Variants in MORC2 observed in about 807,000 individuals in gnomAD.
MORC2 encodes the protein MORC family CW-type zinc finger 2.
In MORC2, 30 loss-of-function variants were observed where a neutral mutation model predicts 136.0. The observed-to-expected ratio is 0.22, with a 90% CI of 0.17 to 0.30. The LOEUF is 0.30. Among genes scored for constraint, MORC2 ranks in the 10% least tolerant of loss-of-function variants. The probability of loss-of-function intolerance (pLI) is 1.00; values close to 1 mark genes in which losing one functional copy is unlikely to be tolerated. For missense variants in MORC2, 922 were observed against 1,333.1 expected (o/e 0.69, Z 4.80); for synonymous variants, 439 against 487.0 (o/e 0.90, Z 1.30).
At chr22:30,954,852 C>A (rs980887965) in intron 3 of MORC2, among the ~76,000 whole-genome samples, 1 of 152,130 alleles carries the variant, frequency 6.6e-6, no homozygotes. Flanking sequence ...ATTAAATAAG[C>A]CCTATTTTTC....
At chr22:30,961,777 C>A (rs761300635) in intron 1 of MORC2, among the ~76,000 whole-genome samples, 5 of 152,142 alleles carry the variant, frequency 3.3e-5, no homozygotes, top group Non-Finnish European at 5.9e-5. Context: ...GACAAGAAAA[C>A]CAAAACAGAA....
In MORC2 at chr22:30,932,105, C is replaced by G; in HGVS notation, c.2841+254G>C. 1 of 436,748 alleles carries G rather than the reference C, an allele frequency of 2.3e-6. No homozygotes were observed. Among genetic ancestry groups the G allele is most frequent in the Non-Finnish European group, 4.1e-6 (1 of 241,476 alleles). 27.1% of individuals were successfully genotyped at this position (436,748 alleles called of 1,614,324 possible). ...CACCTGCTATCCCTAAGGGATGACT[C>G]AACTCCTAGCACCTGTGGTGGGAAG... is the stretch of plus-strand genomic sequence containing the variant. On this transcript the variant is annotated intron_variant, in intron 24 of 25. Coordinates refer to ENST00000397641, the MANE Select transcript of MORC2 (RefSeq NM_001303256.3). This position sits in a 1 kb window ranked among gnomAD's most constrained non-coding sequence, Gnocchi z 4.4.
In MORC2 at chr22:30,937,134, T is replaced by C. The variant is rs2040666533; in HGVS notation, c.1499-97A>G. 2.4e-6 allele frequency: 2 copies of C among 829,118 alleles called. No homozygotes were observed. Among genetic ancestry groups the C allele is most frequent in the African/African-American group, 3.4e-5 (2 of 59,620 alleles). The allele number at this position is 829,118 out of a possible 1,614,324, so 51.4% of individuals were successfully genotyped here. ...GGCCCACCACAATGATGCCCCAGAC[T>C]TTGTAGGCAAAGATCTTCACTCGGG... On this transcript the variant is annotated intron_variant, in intron 15 of 25. Transcript: ENST00000397641. This position sits in a 1 kb window ranked among gnomAD's most constrained non-coding sequence, Gnocchi z 4.7.
At chr22:30,966,195 T>A (rs2041125932) in intron 1 of MORC2, among the ~76,000 whole-genome samples, 1 of 152,248 alleles carries the variant, frequency 6.6e-6, no homozygotes. Context: ...ACTGAAATTC[T>A]GAAGTCCAGT....
intron 3 of MORC2, among the ~76,000 whole-genome samples, chr22:30,956,436 T>A (rs1347621834): frequency 1.3e-5 from 2 of 152,198 alleles, no homozygotes; most frequent in African/African-American, 4.8e-5. Context: ...ACAAACCTCG[T>A]TCACCTATTA....
chr22:30,932,187 T>C lies in MORC2; in HGVS notation c.2841+172A>G. ...CAGCTAAGCCAATTTTTTTCCCACATCATAAACTCTCCTCTTCTTTCAGCA... is the reference window on the plus strand; with the variant it reads ...CAGCTAAGCCAATTTTTTTCCCACACCATAAACTCTCCTCTTCTTTCAGCA... On this transcript the variant is annotated intron_variant, in intron 24 of 25. Coordinates refer to ENST00000397641, the MANE Select transcript of MORC2 (RefSeq NM_001303256.3). This position sits in a 1 kb window ranked among gnomAD's most constrained non-coding sequence, Gnocchi z 4.4. 2 of 669,418 alleles carry C rather than the reference T, an allele frequency of 3.0e-6. No homozygotes were observed. Among genetic ancestry groups the C allele is most frequent in the Non-Finnish European group, 5.0e-6 (2 of 400,798 alleles). The allele number at this position is 669,418 out of a possible 1,614,324, so 41.5% of individuals were successfully genotyped here.
chr22:30,935,876 G>A (rs988826219), intron 17 of MORC2, among the ~76,000 whole-genome samples: 2 of 152,076 alleles, frequency 1.3e-5, no homozygotes, highest in African/African-American at 4.8e-5. Context: ...GAAATATTAA[G>A]GAAATTAAAT....
chr22:30,933,388 T>A, intron 21 of MORC2, 78 bp downstream of exon 21: 1 of 1,499,866 alleles, frequency 6.7e-7, no homozygotes, highest in Non-Finnish European at 9.2e-7. Context: ...CTTTGGTAAA[T>A]TGCTGCTGGT....
Position 30,928,129 on chromosome 22 carries a change from T to C in MORC2, c.2920A>G (p.Lys974Glu). Reference sequence around the variant, plus strand: ...GTGCGCAGGCTTTCCTCGGAGGCCTTGGCCCGGGAGTCAGCACGGCTCTGG... The same window carrying C: ...GTGCGCAGGCTTTCCTCGGAGGCCTCGGCCCGGGAGTCAGCACGGCTCTGG... Reference protein sequence around the residue: ...SYQSRADSRAKASEESLRTSE... With the variant: ...SYQSRADSRAEASEESLRTSE... The change falls in exon 25 of 26, where the codon AAG (lysine) becomes GAG (glutamate). Residue 974 changes from lysine (K) to glutamate (E), a missense_variant. Lys to Glu is a moderately conservative substitution (Grantham distance 56). Transcript: ENST00000397641. 3 of 1,614,048 alleles carry C rather than the reference T, an allele frequency of 1.9e-6. No homozygotes were observed. The highest frequency in any genetic ancestry group is 2.5e-6 in the Non-Finnish European group (3 of 1,180,010).
At chr22:30,967,227 T>C (rs990672774) in intron 1 of MORC2, 2 of 986,248 alleles carry the variant, frequency 2.0e-6, no homozygotes, top group African/African-American at 3.5e-5. Context: ...ATGAACACTG[T>C]ATGTTTCTGT....
chr22:30,941,811 C>A lies in MORC2; in HGVS notation c.698+80G>T. 1 of 1,315,024 alleles carries A rather than the reference C, an allele frequency of 7.6e-7. No homozygotes were observed. The highest frequency in any genetic ancestry group is 1.1e-6 in the Non-Finnish European group (1 of 920,206). 81.5% of individuals were successfully genotyped at this position (1,315,024 alleles called of 1,614,324 possible). A position where few individuals can be genotyped will look rare whatever the true frequency, so the allele number is the denominator to read the frequency against. ...CAGAACACTGGGCAATGAATGTGCT[C>A]TCCCCTCTTTCCCTGAAGCCATCTC... On this transcript the variant is annotated intron_variant, in intron 8 of 25. Coordinates refer to ENST00000397641, the MANE Select transcript of MORC2 (RefSeq NM_001303256.3). The surrounding 1 kb of genome is among the most constrained non-coding windows in gnomAD (Gnocchi z 4.6).
chr22:30,939,936 A>T, intron 11 of MORC2, 23 bp downstream of exon 11: 2 of 1,610,116 alleles, frequency 1.2e-6, no homozygotes, highest in Non-Finnish European at 1.7e-6. Flanking sequence ...GCTGGAGAAC[A>T]GCCGCCTGGG....
chr22:30,946,977 A>T (rs1450984154), intron 5 of MORC2, among the ~76,000 whole-genome samples: 2 of 152,210 alleles, frequency 1.3e-5, no homozygotes, highest in Admixed American at 6.5e-5. Context: ...AAACGGCAGC[A>T]GCACTGTTAA....
chr22:30,963,365 C>T (rs1302642933), intron 1 of MORC2: 8 of 948,916 alleles, frequency 8.4e-6, no homozygotes, highest in East Asian at 1.2e-4. Flanking sequence ...TTTGAAAATT[C>T]GTTCACTTTC....
intron 3 of MORC2, among the ~76,000 whole-genome samples, chr22:30,952,406 C>G (rs1569200253): frequency 6.6e-6 from 1 of 152,164 alleles, no homozygotes; most frequent in Non-Finnish European, 1.5e-5. Flanking sequence ...TTTCTAGGCT[C>G]TTGTGTTAGG....
rs886149659 is a variant in MORC2 at position 30,925,401 on chromosome 22, C to T, written c.*1402G>A. 2.2e-5 allele frequency: 4 copies of T among 183,554 alleles called. No homozygotes were observed. The highest frequency in any genetic ancestry group is 5.6e-5 in the Admixed American group (1 of 17,944). The allele number at this position is 183,554 out of a possible 1,614,324, so 11.4% of individuals were successfully genotyped here. On this transcript the variant is annotated 3_prime_UTR_variant, in exon 26 of 26. Transcript: ENST00000397641. ...TCTCAGTGTACTACTCCAAACAGGC[C>T]TCTCCTAGAGATGTAGTCTGGGAAG...
At chr22:30,928,309 G>A in intron 24 of MORC2, 102 bp from the exon 25 acceptor site, 2 of 1,161,130 alleles carry the variant, frequency 1.7e-6, no homozygotes, top group South Asian at 1.3e-5. Flanking sequence ...ACCCAAGGAT[G>A]CCTGGTCTGA....
chr22:30,933,315 C>G (rs898823204), intron 21 of MORC2, 151 bp downstream of exon 21: 1 of 868,424 alleles, frequency 1.2e-6, no homozygotes, highest in Non-Finnish European at 1.8e-6. Flanking sequence ...CAGAATTCTG[C>G]TTGGGATTAG....
rs772375587 is a variant in MORC2, at chr22:30,946,327, A to G, written c.426+14T>C. 1.3e-6 allele frequency: 2 copies of G among 1,595,872 alleles called. No homozygotes were observed. The highest frequency in any genetic ancestry group is 1.3e-5 in the African/African-American group (1 of 74,688). On this transcript the variant is annotated intron_variant, in intron 6 of 25. Transcript: ENST00000397641. ...ATGAGGACTGGTGATGCAGACCACG[A>G]TGATGGGACCTACTTCATCAATGCC... is the stretch of plus-strand genomic sequence containing the variant.
Sources: gnomAD v4.1 joint callset for allele counts (sites outside exome capture counted in the v4.1 genomes callset) on GRCh38, gnomAD v4.1.1 for gene constraint, Gnocchi (gnomAD v3.1) non-coding constraint, MANE v1.5 for transcripts, NCBI Gene and HGNC (gene_info 2026-07-23, HGNC 2026-07-21) for gene names.